The following ADGRB1 variants were observed in gnomAD, a reference collection of about 807,000 sequenced individuals.
ADGRB1 encodes adhesion G protein-coupled receptor B1, also known as brain-specific angiogenesis inhibitor 1.
In ADGRB1, 36 loss-of-function variants were observed where a neutral mutation model predicts 175.7. That is an observed-to-expected ratio of 0.20 (90% CI 0.16 to 0.27). ADGRB1 has a LOEUF of 0.27. ADGRB1 is among the 10% of genes least tolerant of loss of function. The pLI is 1.00. For synonymous variants in ADGRB1, 1,054 were observed against 979.4 expected, an observed-to-expected ratio of 1.08 and a Z score of -1.42; for missense variants, 1,731 against 2,255.3, an observed-to-expected ratio of 0.77 and a Z score of 4.71.
intron 25 of ADGRB1, among the ~76,000 whole-genome samples, chr8:142,536,573 A>G (rs1429366670): frequency 1.3e-5 from 2 of 152,082 alleles, no homozygotes; most frequent in Admixed American, 6.5e-5. Context: ...CCACACTCCC[A>G]GGGCAGTGAG....
At chr8:142,490,180 C>G (rs1331400074) in intron 16 of ADGRB1, among the ~76,000 whole-genome samples, 1 of 152,200 alleles carries the variant, frequency 6.6e-6, no homozygotes. Context: ...TCAGCCTCTC[C>G]GTGCCATGGT....
intron 27 of ADGRB1, among the ~76,000 whole-genome samples, chr8:142,540,807 G>A (rs1359956605): frequency 6.6e-6 from 1 of 152,034 alleles, no homozygotes; most frequent in Non-Finnish European, 1.5e-5. Flanking sequence ...GGTCACTCTT[G>A]GGTAGGGACG....
intron 1 of ADGRB1, among the ~76,000 whole-genome samples, chr8:142,459,126 T>C (rs1587243865): frequency 6.6e-6 from 1 of 152,214 alleles, no homozygotes; most frequent in Non-Finnish European, 1.5e-5. Flanking sequence ...TGGCATGGGG[T>C]GGGCTCAGGG....
chr8:142,452,113 G>A (rs1014615554), intron 1 of ADGRB1, among the ~76,000 whole-genome samples: 5 of 152,234 alleles, frequency 3.3e-5, no homozygotes, highest in Non-Finnish European at 5.9e-5. Context: ...GCGCGTTCGG[G>A]GATCCCGGAG....
intron 2 of ADGRB1, among the ~76,000 whole-genome samples, chr8:142,467,253 G>A (rs1000417926): frequency 2.0e-5 from 3 of 152,246 alleles, no homozygotes; most frequent in Non-Finnish European, 4.4e-5. Context: ...TTGGGCAGAA[G>A]AGCCAGATGG....
In ADGRB1 at chr8:142,542,911, C is replaced by T. The variant is rs1845367417; in HGVS notation, c.4413+264C>T. 2.0e-5 allele frequency among the ~76,000 whole-genome samples: 3 copies of T among 152,228 alleles called. No homozygotes were observed. The highest frequency in any genetic ancestry group is 7.2e-5 in the African/African-American group (3 of 41,466). On this transcript the variant is annotated intron_variant, in intron 28 of 30. Transcript: ENST00000517894. This position sits in a 1 kb window ranked among gnomAD's most constrained non-coding sequence, Gnocchi z 6.3. ...TGGACCCACGGAGCAGGACCTGCACCTCGCACAGTCGCTAGTCCAGCCCTT... is the reference window on the plus strand; with the variant it reads ...TGGACCCACGGAGCAGGACCTGCACTTCGCACAGTCGCTAGTCCAGCCCTT...
rs1452806759 is a variant in ADGRB1 at position 142,468,902 on chromosome 8, ACAAAGCAGG to A, written c.784+3923_784+3931del. 1.9e-3 allele frequency among the ~76,000 whole-genome samples: 291 copies of A among 152,378 alleles called. 3 individuals are homozygous for A. Among genetic ancestry groups the A allele is most frequent in the African/African-American group, 6.8e-3 (281 of 41,586 alleles). ...TTGTCCAGGCCAGGATGTAAGCAGCACAAAGCAGGCATTGCCAGTTCCCTGACGTGCCCC... is the reference window on the plus strand; with the variant it reads ...TTGTCCAGGCCAGGATGTAAGCAGCACATTGCCAGTTCCCTGACGTGCCCC... On this transcript the variant is annotated intron_variant, in intron 2 of 30. Transcript: ENST00000517894.
Position 142,464,947 on chromosome 8 carries a change from G to T in ADGRB1, c.749G>T (p.Ser250Ile). ...GGTGGCCCTGAAAACTGCCTCACCAGCCTGACCCAGGACCGGGGCGGGCAC... is the reference window on the plus strand; with the variant it reads ...GGTGGCCCTGAAAACTGCCTCACCATCCTGACCCAGGACCGGGGCGGGCAC... ...VAGGPENCLT[S>I]LTQDRGGHGA... Residue 250 changes from serine (S) to isoleucine (I), a missense_variant, in exon 2 of 31, where the codon AGC (serine) becomes ATC (isoleucine). By Grantham distance (142) the Ser-to-Ile change is moderately radical (BLOSUM62 -2). Around this residue, in one of 8 missense-constraint regions of ADGRB1, gnomAD observed 383 missense variants for 383.1 expected, o/e 1.00. Coordinates refer to ENST00000517894, the MANE Select transcript of ADGRB1 (RefSeq NM_001702.3). 6.5e-7 allele frequency: 1 copy of T among 1,528,418 alleles called. No homozygotes were observed. 94.7% of individuals were successfully genotyped at this position (1,528,418 alleles called of 1,614,324 possible). A position where few individuals can be genotyped will look rare whatever the true frequency, so the allele number is the denominator to read the frequency against.
rs1839601734 is a variant in ADGRB1 at position 142,455,250 on chromosome 8, A to G, written c.-220+5146A>G. Among the ~76,000 whole-genome samples, 1 of 147,990 alleles carries G rather than the reference A, an allele frequency of 6.8e-6. No individual in the cohort carries two copies. The highest frequency in any genetic ancestry group is 2.5e-5 in the African/African-American group (1 of 39,754). On this transcript the variant is annotated intron_variant, in intron 1 of 30. Coordinates refer to ENST00000517894, the MANE Select transcript of ADGRB1 (RefSeq NM_001702.3). The surrounding 1 kb of genome is among the most constrained non-coding windows in gnomAD (Gnocchi z 4.9). ...CAAACACCTTCCCCCCATCACTCCC[A>G]CTCGCCTCAGCAGCACCTGGACACC...
intron 2 of ADGRB1, among the ~76,000 whole-genome samples, chr8:142,466,112 T>C (rs1039881706): frequency 6.6e-6 from 1 of 151,810 alleles, no homozygotes; most frequent in Non-Finnish European, 1.5e-5. Flanking sequence ...TCTGGGAAGA[T>C]TGGGGGATTG....
rs891184559 is a variant in ADGRB1 at position 142,493,502 on chromosome 8, G to C, written c.2675+2687G>C. 6.6e-6 allele frequency among the ~76,000 whole-genome samples: 1 copy of C among 152,232 alleles called. No homozygotes were observed. Among genetic ancestry groups the C allele is most frequent in the African/African-American group, 2.4e-5 (1 of 41,472 alleles). ...ACCCACCCCGTCACCGGCTGGGTGC[G>C]CTGAGTGCTAAGGTCTTGGTGCCTG... On this transcript the variant is annotated intron_variant, in intron 17 of 30. Transcript: ENST00000517894. The surrounding 1 kb of genome is among the most constrained non-coding windows in gnomAD (Gnocchi z 5.0).
intron 18 of ADGRB1, among the ~76,000 whole-genome samples, chr8:142,515,522 C>T (rs1843367754): frequency 6.6e-6 from 1 of 152,046 alleles, no homozygotes; most frequent in Non-Finnish European, 1.5e-5. Flanking sequence ...GAGGCCTGGG[C>T]CTGAGCCAGC....
chr8:142,457,818 C>T (rs1443711299), intron 1 of ADGRB1, among the ~76,000 whole-genome samples: 1 of 152,168 alleles, frequency 6.6e-6, no homozygotes, highest in Admixed American at 6.5e-5. Flanking sequence ...CCCTGAGACA[C>T]GCAAATAAGT....
intron 11 of ADGRB1, 78 bp downstream of exon 11, chr8:142,481,789 T>G: frequency 7.7e-7 from 1 of 1,300,858 alleles, no homozygotes; most frequent in Non-Finnish European, 1.0e-6. Flanking sequence ...TAGAGATGGA[T>G]CCCCAACCCT....
At chr8:142,508,078 C>T (rs1056130988) in intron 17 of ADGRB1, among the ~76,000 whole-genome samples, 1 of 152,090 alleles carries the variant, frequency 6.6e-6, no homozygotes, top group African/African-American at 2.4e-5. Context: ...CTGCATGCCC[C>T]CTCCCACCCG....
intron 17 of ADGRB1, among the ~76,000 whole-genome samples, chr8:142,501,961 T>C (rs1282551527): frequency 7.1e-6 from 1 of 140,820 alleles, no homozygotes. Flanking sequence ...GGCTGTGTGG[T>C]TTTGATGATG....
intron 1 of ADGRB1, among the ~76,000 whole-genome samples, chr8:142,452,724 C>G (rs1254135052): frequency 6.6e-6 from 1 of 152,068 alleles, no homozygotes; most frequent in Non-Finnish European, 1.5e-5. Context: ...GAGGGCCTAG[C>G]AAGCGCCCGG....
intron 11 of ADGRB1, among the ~76,000 whole-genome samples, chr8:142,482,478 TCCTGGTCACACGCTGAGCCCTGAC>T (rs1841410148): frequency 1.4e-5 from 2 of 142,208 alleles, no homozygotes; most frequent in Non-Finnish European, 3.0e-5. Flanking sequence ...TGAACCCTGA[TCCTGGTCACACGCTGAGCCCTGAC>T]CCTGGTCACA....
chr8:142,498,609 T>C (rs1477938833), intron 17 of ADGRB1, among the ~76,000 whole-genome samples: 1 of 151,974 alleles, frequency 6.6e-6, no homozygotes, highest in East Asian at 1.9e-4. Context: ...GGACAGGAGA[T>C]GAGGGACCAC....
Sources: allele counts gnomAD v4.1 joint callset (sites outside exome capture counted in the v4.1 genomes callset), GRCh38; gene constraint gnomAD v4.1.1; regional missense constraint gnomAD v4.1.1; non-coding constraint Gnocchi (gnomAD v3.1); transcripts MANE v1.5; gene names NCBI Gene and HGNC (gene_info 2026-07-23, HGNC 2026-07-21).